Variants in SCAF4 observed in about 807,000 individuals in gnomAD.
The protein encoded by SCAF4 is SR-related CTD associated factor 4.
In SCAF4, 25 loss-of-function variants were observed where a neutral mutation model predicts 129.8. That is an observed-to-expected ratio of 0.19 (90% CI 0.14 to 0.27). The LOEUF (loss-of-function observed/expected upper bound fraction) is 0.27, where lower values mean the gene tolerates loss of function less well. Ranked by LOEUF, SCAF4 falls within the 10% of genes least tolerant of loss-of-function variation. SCAF4 has a pLI of 1.00. For missense variants in SCAF4, 1,246 were observed against 1,457.1 expected (o/e 0.86, Z 2.36); for synonymous variants, 551 against 497.7 (o/e 1.11, Z -1.43).
chr21:31,726,106 C>A lies in SCAF4; in HGVS notation c.30+5557G>T, dbSNP rs999396630. Among the ~76,000 whole-genome samples the A allele has an allele frequency of 4.9e-4, 74 of 150,514 alleles. 1 individual carries two copies. Among genetic ancestry groups the A allele is most frequent in the Non-Finnish European group, 6.3e-4 (43 of 67,770 alleles). On this transcript the variant is annotated intron_variant, in intron 1 of 19. Coordinates refer to ENST00000286835, the MANE Select transcript of SCAF4 (RefSeq NM_020706.2). ...TGTCGCCCAGGCTGGAGTGCAGTGG[C>A]GCGATCTCGGCTCACTGCAAGCTCC...
intron 1 of SCAF4, among the ~76,000 whole-genome samples, chr21:31,730,380 G>C (rs1038348707): frequency 2.0e-5 from 3 of 152,160 alleles, no homozygotes; most frequent in Non-Finnish European, 4.4e-5. Flanking sequence ...TCTGCAGTTA[G>C]GGCATTTTAT....
intron 1 of SCAF4, among the ~76,000 whole-genome samples, chr21:31,713,397 G>T (rs1022864226): frequency 3.3e-5 from 5 of 152,094 alleles, no homozygotes; most frequent in African/African-American, 1.2e-4. Flanking sequence ...TTAAGTCTAA[G>T]AATTAAATAC....
intron 1 of SCAF4, 116 bp from the exon 2 acceptor site, chr21:31,706,473 AGG>A: frequency 1.5e-6 from 1 of 688,268 alleles, no homozygotes; most frequent in Non-Finnish European, 2.5e-6. Flanking sequence ...CGGGGTGGTG[AGG>A]GGGGTCTTAG....
At chr21:31,688,257 A>C (rs1236115944) in intron 16 of SCAF4, 50 bp downstream of exon 16, 1 of 1,582,510 alleles carries the variant, frequency 6.3e-7, no homozygotes, top group Non-Finnish European at 8.6e-7. Context: ...AAGATTTAGA[A>C]AGGGACCTTT....
At chr21:31,694,773 C>T in intron 10 of SCAF4, 40 bp downstream of exon 10, 1 of 1,594,548 alleles carries the variant, frequency 6.3e-7, no homozygotes, top group Non-Finnish European at 8.6e-7. Flanking sequence ...TAAGTCAAGG[C>T]AACAAAAAAA....
At chr21:31,686,662 T>C (rs2050133778) in intron 16 of SCAF4, among the ~76,000 whole-genome samples, 1 of 152,124 alleles carries the variant, frequency 6.6e-6, no homozygotes, top group African/African-American at 2.4e-5. Flanking sequence ...TATGGCCTGT[T>C]AGGAAACGGG....
intron 9 of SCAF4, 69 bp downstream of exon 9, chr21:31,696,044 T>C (rs2050377178): frequency 9.2e-7 from 1 of 1,087,188 alleles, no homozygotes; most frequent in Non-Finnish European, 1.4e-6. Flanking sequence ...CAGAGTGCTC[T>C]GTGGAATGCA....
At chr21:31,700,902 G>C in intron 7 of SCAF4, 93 bp downstream of exon 7, 6 of 1,300,550 alleles carry the variant, frequency 4.6e-6, no homozygotes, top group Non-Finnish European at 6.7e-6. Flanking sequence ...ACGACATAAT[G>C]AACAATCCAC....
chr21:31,685,211 T>C lies in SCAF4; in HGVS notation c.2326A>G (p.Thr776Ala). Residue 776 changes from threonine (T) to alanine (A), a missense_variant, in exon 19 of 20, where the codon ACA becomes GCA. By Grantham distance (58) the Thr-to-Ala change is moderately conservative. This residue lies in a region of SCAF4 where 468 missense variants were observed against 605.5 expected (regional missense o/e 0.77). Transcript: ENST00000286835. The part of the protein sequence containing the change: ...STIAGINEDT[T>A]KDLSIGNPIP... ...GGATTTCCAATAGATAAGTCTTTTG[T>C]AGTGTCTTCATTTATACCAGCGATA... 3 of 1,610,710 alleles carry C rather than the reference T, an allele frequency of 1.9e-6. No homozygotes were observed. Among genetic ancestry groups the C allele is most frequent in the Non-Finnish European group, 1.7e-6 (2 of 1,177,788 alleles).
In SCAF4 at chr21:31,671,796, T is replaced by C. The variant is rs781239490; in HGVS notation, c.3047A>G (p.Tyr1016Cys). Residue 1016 changes from tyrosine (Y) to cysteine (C), a missense_variant, in exon 20 of 20, where the codon TAT becomes TGT. Tyr to Cys is a radical substitution (Grantham distance 194, BLOSUM62 -2). This residue lies in a region of SCAF4 where 339 missense variants were observed against 325.0 expected (regional missense o/e 1.04). Transcript: ENST00000286835. Reference protein sequence around the residue: ...GNRVENDRERYGNRNDDRDNS... With the variant: ...GNRVENDRERCGNRNDDRDNS... ...ATCTCTATCATCATTACGGTTCCCATACCGTTCCCGGTCATTTTCCACCCT... is the reference window on the plus strand; with the variant it reads ...ATCTCTATCATCATTACGGTTCCCACACCGTTCCCGGTCATTTTCCACCCT... 4 of 1,613,924 alleles carry C rather than the reference T, an allele frequency of 2.5e-6. No individual in the cohort carries two copies. The highest frequency in any genetic ancestry group is 1.7e-6 in the Non-Finnish European group (2 of 1,179,728).
At position 31,693,280 on chromosome 21, in the gene SCAF4, A is replaced by G; in HGVS notation, c.1513+14T>C. The G allele has an allele frequency of 6.9e-7, 1 of 1,442,180 alleles. No individual in the cohort carries two copies. The allele number at this position is 1,442,180 out of a possible 1,614,324, so 89.3% of individuals were successfully genotyped here. A position where few individuals can be genotyped will look rare whatever the true frequency, so the allele number is the denominator to read the frequency against. ...AAAATAGTACATGAGGTTTGAATAT[A>G]AAGGTTGAGTTACCACTTGCAGTTT... On this transcript the variant is annotated intron_variant, in intron 12 of 19. Coordinates refer to ENST00000286835, the MANE Select transcript of SCAF4 (RefSeq NM_020706.2).
At chr21:31,680,643 A>G (rs777370418) in intron 19 of SCAF4, among the ~76,000 whole-genome samples, 16 of 152,216 alleles carry the variant, frequency 1.1e-4, no homozygotes, top group Non-Finnish European at 2.2e-4. Flanking sequence ...GTTTTTTAAA[A>G]AATTACGTAT....
At chr21:31,672,401 C>T in intron 19 of SCAF4, 47 bp from the exon 20 acceptor site, 1 of 1,393,054 alleles carries the variant, frequency 7.2e-7, no homozygotes. Context: ...GAAGATGGCA[C>T]TCCAGTTTCA....
At chr21:31,690,551 C>T (rs980570041) in intron 15 of SCAF4, among the ~76,000 whole-genome samples, 1 of 152,182 alleles carries the variant, frequency 6.6e-6, no homozygotes, top group Non-Finnish European at 1.5e-5. Context: ...TTAAGTTTCA[C>T]AGGAAAAGTT....
At chr21:31,723,609 GAT>G (rs1491355499) in intron 1 of SCAF4, among the ~76,000 whole-genome samples, 4 of 146,038 alleles carry the variant, frequency 2.7e-5, no homozygotes, top group Non-Finnish European at 3.0e-5. Flanking sequence ...TGATTTATAT[GAT>G]GTGTGTGTGT....
intron 4 of SCAF4, 25 bp downstream of exon 4, chr21:31,703,740 G>C (rs1349909497): frequency 8.1e-7 from 1 of 1,238,584 alleles, no homozygotes; most frequent in South Asian, 1.5e-5. Context: ...AAGAATACAA[G>C]TTTTAGTTTA....
chr21:31,679,617 G>A (rs1218769946), intron 19 of SCAF4, among the ~76,000 whole-genome samples: 1 of 152,142 alleles, frequency 6.6e-6, no homozygotes, highest in Non-Finnish European at 1.5e-5. Context: ...ATGATGCTTA[G>A]AATGTTAGCA....
intron 7 of SCAF4, 119 bp downstream of exon 7, chr21:31,700,876 T>G: frequency 5.3e-6 from 6 of 1,121,778 alleles, no homozygotes; most frequent in Non-Finnish European, 5.4e-6. Context: ...AGGGGGAAAA[T>G]CTCTCAAATT....
intron 1 of SCAF4, among the ~76,000 whole-genome samples, chr21:31,709,980 TGCATACA>T (rs1568855150): frequency 6.6e-6 from 1 of 151,830 alleles, no homozygotes; most frequent in Non-Finnish European, 1.5e-5. Context: ...GATACAATGC[TGCATACA>T]GACTAAATTT....
Sources: allele counts gnomAD v4.1 joint callset (sites outside exome capture counted in the v4.1 genomes callset), GRCh38; gene constraint gnomAD v4.1.1; regional missense constraint gnomAD v4.1.1; transcripts MANE v1.5; gene names NCBI Gene and HGNC (gene_info 2026-07-23, HGNC 2026-07-21).